The following EME1 variants were observed in gnomAD, a reference collection of about 807,000 sequenced individuals.
EME1 encodes the protein structure-specific endonuclease subunit EME1.
Under a neutral mutation model 59.1 loss-of-function variants are expected in EME1, and 61 were observed. The observed-to-expected ratio is 1.03, with a 90% CI of 0.84 to 1.28. The LOEUF is 1.28. Among genes scored for constraint, EME1 ranks in the 50% most tolerant of loss-of-function variants. The pLI, the probability that EME1 is intolerant of heterozygous loss-of-function variation, is 0.00. For missense variants in EME1, 635 were observed against 682.6 expected, an observed-to-expected ratio of 0.93 and a Z score of 0.78; for synonymous variants, 230 against 254.2, an observed-to-expected ratio of 0.90 and a Z score of 0.90.
intron 3 of EME1, 113 bp from the exon 4 acceptor site, chr17:50,378,482 A>C: frequency 2.7e-5 from 25 of 911,414 alleles, no homozygotes; most frequent in Non-Finnish European, 4.5e-5. Flanking sequence ...CAGAAAGGAT[A>C]ATGCATAAGG....
chr17:50,375,895 GGAAA>G lies in EME1; in HGVS notation c.695_698del (p.Lys232MetfsTer8). The stretch of plus-strand genomic sequence containing the variant: ...AGAAGGAAAGCACCCTGAGAAGACA[GGAAA>G]GAAAGAATGCAGCACTGGTTACCAG... On this transcript the variant is annotated frameshift_variant, in exon 2 of 9. Transcript: ENST00000338165. LOFTEE classifies it high-confidence loss of function. 8.7e-6 allele frequency: 14 copies of G among 1,613,936 alleles called. No individual in the cohort carries two copies. Among genetic ancestry groups the G allele is most frequent in the Non-Finnish European group, 1.1e-5 (13 of 1,179,944 alleles).
chr17:50,375,159 G>GT lies in EME1; in HGVS notation c.-24-25dup, dbSNP rs751505961. 6 of 1,575,410 alleles carry GT rather than the reference G, an allele frequency of 3.8e-6. No individual in the cohort carries two copies. The Admixed American group carries it at 8.8e-5, about 23-fold the overall frequency. On this transcript the variant is annotated intron_variant, in intron 1 of 8. Transcript: ENST00000338165. ...TGGACTGAATTGAATGCTCCAGTCT[G>GT]TGTCATATGTCTCTTTTCCTTTTAG...
chr17:50,376,577 G>A (rs557420985), intron 3 of EME1, among the ~76,000 whole-genome samples: 14 of 152,328 alleles, frequency 9.2e-5, no homozygotes, highest in African/African-American at 3.4e-4. Flanking sequence ...AATGTCTGCA[G>A]ACACTGCCAG....
Position 50,379,384 on chromosome 17 carries a change from A to G in EME1, c.1231-68A>G, listed in dbSNP as rs1913662016. 3 of 1,591,518 alleles carry G rather than the reference A, an allele frequency of 1.9e-6. No individual in the cohort carries two copies. The Admixed American group carries it at 5.1e-5, about 27-fold the overall frequency. The stretch of plus-strand genomic sequence containing the variant: ...AGCCAAGGGGCTGGGGTGTGGCTTT[A>G]GTGGACAGTGACTTGGCAGCTAGTC... On this transcript the variant is annotated intron_variant, in intron 6 of 8. Transcript: ENST00000338165.
Position 50,380,929 on chromosome 17 carries a change from G to T in EME1, c.1703G>T (p.Ser568Ile), listed in dbSNP as rs1447753720. The T allele has an allele frequency of 6.2e-7, 1 of 1,614,098 alleles. No homozygotes were observed. Among genetic ancestry groups the T allele is most frequent in the South Asian group, 1.1e-5 (1 of 91,078 alleles). The change falls in exon 9 of 9, where the codon AGT becomes ATT. Residue 568 changes from serine (S) to isoleucine (I), a missense_variant. Transcript: ENST00000338165. Reference sequence around the variant, plus strand: ...TTACAGCCACATCTCTCTTTAGATAGTGCTGACTGATTCTAGCCCTCAGGG... The same window carrying T: ...TTACAGCCACATCTCTCTTTAGATATTGCTGACTGATTCTAGCCCTCAGGG... ...TTLQPHLSLD[S>I]AD is the part of the protein sequence containing the mutation.
chr17:50,381,231 AAGAC>A lies in EME1; in HGVS notation c.*295_*298del. ...CCAGCCCTCAAAACACAAAGGAACA[AAGAC>A]AGTCCACTCAGACACTTATTTAATA... On this transcript the variant is annotated 3_prime_UTR_variant, in exon 9 of 9. Transcript: ENST00000338165. The A allele has an allele frequency of 2.7e-6, 1 of 374,796 alleles. No individual in the cohort carries two copies. Among genetic ancestry groups the A allele is most frequent in the Non-Finnish European group, 4.9e-6 (1 of 204,426 alleles). 23.2% of individuals were successfully genotyped at this position (374,796 alleles called of 1,614,324 possible). A position where few individuals can be genotyped will look rare whatever the true frequency, so the allele number is the denominator to read the frequency against.
rs1213216610 is a variant in EME1, at chr17:50,375,917, G to A, written c.709G>A (p.Val237Ile). ...ACAGGAAAGAAAGAATGCAGCACTGGTTACCAGGATGAAAGCCCAGAGGCC... is the reference window on the plus strand; with the variant it reads ...ACAGGAAAGAAAGAATGCAGCACTGATTACCAGGATGAAAGCCCAGAGGCC... ...RRQERKNAAL[V>I]TRMKAQRPEE... is the part of the protein sequence containing the mutation. The change falls in exon 2 of 9, where the codon GTT becomes ATT. Residue 237 changes from valine to isoleucine, a missense_variant. Transcript: ENST00000338165. The A allele has an allele frequency of 6.2e-7, 1 of 1,612,718 alleles. No homozygotes were observed. The highest frequency in any genetic ancestry group is 1.3e-5 in the African/African-American group (1 of 74,890).
Position 50,379,553 on chromosome 17 carries a change from T to C in EME1, c.1332T>C (p.Ala444=), listed in dbSNP as rs1253635826. The C allele has an allele frequency of 1.2e-6, 2 of 1,614,132 alleles. No homozygotes were observed. Among genetic ancestry groups the C allele is most frequent in the East Asian group, 4.5e-5 (2 of 44,882 alleles). ...CATGCGCATTCACAAAGGCTGTGGC[T>C]GAGGCGCCCTTCAAGTGAGTAACCC... ...DFTCAFTKAV[A]EAPFKKLRDE... The change falls in exon 7 of 9, where the codon GCT becomes GCC. Residue 444 remains alanine (A), a synonymous_variant. Transcript: ENST00000338165.
Position 50,380,319 on chromosome 17 carries a change from C to T in EME1, c.1354C>T (p.Arg452Ter), listed in dbSNP as rs772369247. 1.9e-5 allele frequency: 31 copies of T among 1,605,666 alleles called. No homozygotes were observed. Among genetic ancestry groups the T allele is most frequent in the Non-Finnish European group, 2.5e-5 (29 of 1,175,988 alleles). The change falls in exon 8 of 9, where the codon CGA becomes TGA. Residue 452 changes from arginine (R) to a stop codon, truncating the protein, a stop_gained. Coordinates refer to ENST00000338165, the MANE Select transcript of EME1 (RefSeq NM_152463.4). LOFTEE classifies it high-confidence loss of function. ...AVAEAPFKKL[R>*]DETTFSFCLE... ...CCAACCACGCTGTTGCAGGAAGCTC[C>T]GAGATGAAACTACCTTCTCCTTCTG...
chr17:50,378,323 C>T (rs948409210), intron 3 of EME1, among the ~76,000 whole-genome samples: 4 of 152,104 alleles, frequency 2.6e-5, no homozygotes, highest in Admixed American at 2.0e-4. Flanking sequence ...CTCGGCCTCC[C>T]AAAGTGCTGG....
At chr17:50,379,880 G>T in intron 7 of EME1, 1 of 343,850 alleles carries the variant, frequency 2.9e-6, no homozygotes, top group Non-Finnish European at 5.4e-6. Context: ...CACTAGGAAA[G>T]CAAATTTTTG....
At chr17:50,377,495 T>C (rs1913534248) in intron 3 of EME1, among the ~76,000 whole-genome samples, 1 of 152,222 alleles carries the variant, frequency 6.6e-6, no homozygotes, top group Admixed American at 6.5e-5. Context: ...GCTGGAGGAT[T>C]GTTGGCCTTG....
chr17:50,374,462 C>T (rs1357575958), intron 1 of EME1, among the ~76,000 whole-genome samples: 1 of 152,096 alleles, frequency 6.6e-6, no homozygotes, highest in East Asian at 1.9e-4. Context: ...TGTTCTCGAA[C>T]TCCTGGGCTC....
chr17:50,376,137 G>A lies in EME1; in HGVS notation c.847G>A (p.Glu283Lys). ...LQTMECRCVI[E>K]AQAVPCSVTW... Reference sequence around the variant, plus strand: ...GACCATGGAGTGCCGCTGTGTGATTGAGGCGCAGGCTGTGCCTTGCAGTGT... The same window carrying A: ...GACCATGGAGTGCCGCTGTGTGATTAAGGCGCAGGCTGTGCCTTGCAGTGT... Residue 283 changes from glutamate (E) to lysine (K), a missense_variant, in exon 3 of 9, where the codon GAG (glutamate) becomes AAG (lysine). Glu to Lys is a moderately conservative substitution (Grantham distance 56, BLOSUM62 1). Coordinates refer to ENST00000338165, the MANE Select transcript of EME1 (RefSeq NM_152463.4). The A allele has an allele frequency of 6.2e-7, 1 of 1,614,090 alleles. No homozygotes were observed. The highest frequency in any genetic ancestry group is 8.5e-7 in the Non-Finnish European group (1 of 1,180,032).
At position 50,375,882 on chromosome 17, in the gene EME1, C is replaced by T. The variant is rs1248100812; in HGVS notation, c.674C>T (p.Thr225Ile). 1.9e-6 allele frequency: 3 copies of T among 1,613,888 alleles called. No individual in the cohort carries two copies. The highest frequency in any genetic ancestry group is 2.5e-6 in the Non-Finnish European group (3 of 1,179,994). ...AGACAAGCAAGGCAGAAGGAAAGCACCCTGAGAAGACAGGAAAGAAAGAAT... is the reference window on the plus strand; with the variant it reads ...AGACAAGCAAGGCAGAAGGAAAGCATCCTGAGAAGACAGGAAAGAAAGAAT... ...QQRQARQKES[T>I]LRRQERKNAA... Residue 225 changes from threonine to isoleucine, a missense_variant, in exon 2 of 9, where the codon ACC becomes ATC. Transcript: ENST00000338165.
In EME1 at chr17:50,375,087, T is replaced by C. The variant is rs1598360083; in HGVS notation, c.-24-98T>C. On this transcript the variant is annotated intron_variant, in intron 1 of 8. Transcript: ENST00000338165. ...CATATTTCTCTGTTTCTGTATTCTC[T>C]ATATCTTATATTTATGTCATAAAGC... The C allele has an allele frequency of 5.8e-5, 53 of 918,834 alleles. No individual in the cohort carries two copies. The South Asian group carries it at 8.4e-4, about 15-fold the overall frequency. 56.9% of individuals were successfully genotyped at this position (918,834 alleles called of 1,614,324 possible).
intron 8 of EME1, 65 bp from the exon 9 acceptor site, chr17:50,380,697 TC>T (rs1379376495): frequency 2.7e-5 from 43 of 1,604,122 alleles, no homozygotes; most frequent in Non-Finnish European, 1.7e-6. Context: ...CGTAGCACCC[TC>T]CATGCTCATG....
rs1913420683 is a variant in EME1 at position 50,375,656 on chromosome 17, A to G, written c.448A>G (p.Thr150Ala). ...GATCCCTGAAGTTCCCCTCCATGATACCCCAGAGAGGAGTGCAGCAGATAA... is the reference window on the plus strand; with the variant it reads ...GATCCCTGAAGTTCCCCTCCATGATGCCCCAGAGAGGAGTGCAGCAGATAA... ...PKIPEVPLHD[T>A]PERSAADNKD... Residue 150 changes from threonine (T) to alanine (A), a missense_variant, in exon 2 of 9, where the codon ACC becomes GCC. Coordinates refer to ENST00000338165, the MANE Select transcript of EME1 (RefSeq NM_152463.4). The G allele has an allele frequency of 6.2e-7, 1 of 1,614,096 alleles. No individual in the cohort carries two copies. Among genetic ancestry groups the G allele is most frequent in the Non-Finnish European group, 8.5e-7 (1 of 1,180,032 alleles).
intron 3 of EME1, among the ~76,000 whole-genome samples, chr17:50,376,843 T>C (rs1913498724): frequency 6.6e-6 from 1 of 152,172 alleles, no homozygotes; most frequent in Non-Finnish European, 1.5e-5. Context: ...TCTCCTCGGG[T>C]CCCTGCTGGT....
Sources: gnomAD v4.1 joint callset for allele counts (sites outside exome capture counted in the v4.1 genomes callset) on GRCh38, gnomAD v4.1.1 for gene constraint, MANE v1.5 for transcripts, NCBI Gene and HGNC (gene_info 2026-07-23, HGNC 2026-07-21) for gene names.